The following PCNT variants were observed in gnomAD, a reference collection of about 807,000 sequenced individuals.
PCNT encodes the protein kendrin.
A neutral mutation model predicts 380.4 loss-of-function variants in PCNT; 319 were observed. The ratio of observed to expected loss-of-function variants is 0.84; its 90% CI spans 0.77 to 0.92. PCNT has a LOEUF of 0.92. PCNT is among the 40% of genes least tolerant of loss of function. The pLI is 0.00. For missense variants in PCNT, 4,400 were observed against 4,255.3 expected, an observed-to-expected ratio of 1.03 and a Z score of -0.95; for synonymous variants, 1,845 against 1,735.2, an observed-to-expected ratio of 1.06 and a Z score of -1.57.
chr21:46,381,194 CTCTGTGTGTGTGTGTGTG>C (rs2085523016), intron 15 of PCNT, among the ~76,000 whole-genome samples: 3 of 72,918 alleles, frequency 4.1e-5, no homozygotes, highest in Admixed American at 1.6e-4. Context: ...AAAAAAAAAT[CTCTGTGTGTGTGTGTGTG>C]TGTGTGTGTG....
intron 2 of PCNT, among the ~76,000 whole-genome samples, chr21:46,329,199 A>G (rs1244552469): frequency 6.6e-6 from 1 of 152,236 alleles, no homozygotes; most frequent in African/African-American, 2.4e-5. Context: ...TGGGTCGTTA[A>G]CATTAGAAGG....
At chr21:46,431,312 A>G (rs2087752754) in intron 37 of PCNT, 2 of 1,421,278 alleles carry the variant, frequency 1.4e-6, no homozygotes, top group African/African-American at 1.4e-5. Context: ...CCAGGACTCA[A>G]CACCATTTCC....
In PCNT at chr21:46,416,271, A is replaced by G. The variant is rs1602028010; in HGVS notation, c.6353A>G (p.Glu2118Gly). The G allele has an allele frequency of 1.2e-6, 2 of 1,614,170 alleles. No individual in the cohort carries two copies. Reference protein sequence around the residue: ...SSWSDDSCDGEEPDISPHIDT... With the variant: ...SSWSDDSCDGGEPDISPHIDT... ...TGGAGTGATGATTCCTGTGACGGAG[A>G]AGAGCCTGACATATCACCCCACATA... Residue 2118 changes from glutamate (E) to glycine (G), a missense_variant, in exon 30 of 47, where the codon GAA (glutamate) becomes GGA (glycine). By Grantham distance (98) the Glu-to-Gly change is moderately conservative. Coordinates refer to ENST00000359568, the MANE Select transcript of PCNT (RefSeq NM_006031.6).
At chr21:46,349,449 T>G (rs1376614857) in intron 7 of PCNT, among the ~76,000 whole-genome samples, 1 of 152,200 alleles carries the variant, frequency 6.6e-6, no homozygotes, top group East Asian at 1.9e-4. Context: ...GCTTTGTGGT[T>G]GTTCACTTTT....
In PCNT at chr21:46,427,895, G is replaced by T; in HGVS notation, c.7494+100G>T. ...GTTTTGTGTGTGAATTTCGGTTTGT[G>T]TGTTTCTCTCGACCGCTGGAATGTG... On this transcript the variant is annotated intron_variant, in intron 34 of 46. Coordinates refer to ENST00000359568, the MANE Select transcript of PCNT (RefSeq NM_006031.6). 5.9e-6 allele frequency: 8 copies of T among 1,353,002 alleles called. No individual in the cohort carries two copies. In the South Asian group the frequency reaches 9.6e-5, roughly 16 times the overall value. The allele number at this position is 1,353,002 out of a possible 1,614,324, so 83.8% of individuals were successfully genotyped here.
intron 3 of PCNT, among the ~76,000 whole-genome samples, chr21:46,336,959 T>C (rs1015178365): frequency 6.8e-6 from 1 of 147,922 alleles, no homozygotes; most frequent in Non-Finnish European, 1.5e-5. Flanking sequence ...TTATTTACTT[T>C]AAAAAAAAAA....
rs184063481 is a variant in PCNT, at chr21:46,386,317, G to A, written c.3464+334G>A. On this transcript the variant is annotated intron_variant, in intron 17 of 46. Transcript: ENST00000359568. ...CCTTTAGTGTCTGCGTCCCCGCAGC[G>A]TGTCCTCGTCCCCGGCACGGGGTGC... Among the ~76,000 whole-genome samples, 326 of 152,362 alleles carry A rather than the reference G, an allele frequency of 2.1e-3. 1 individual carries two copies. Among genetic ancestry groups the A allele is most frequent in the African/African-American group, 7.3e-3 (304 of 41,586 alleles).
chr21:46,412,176 G>C lies in PCNT; in HGVS notation c.5994+109G>C, dbSNP rs2086811296. 8 of 1,311,372 alleles carry C rather than the reference G, an allele frequency of 6.1e-6. No homozygotes were observed. In the Admixed American group the frequency reaches 1.4e-4, roughly 23 times the overall value. The allele number at this position is 1,311,372 out of a possible 1,614,324, so 81.2% of individuals were successfully genotyped here. A position where few individuals can be genotyped will look rare whatever the true frequency, so the allele number is the denominator to read the frequency against. ...GGGCACTGGGGGCTGCAGTTGTCAT[G>C]GTGGCTCATGACACAGCGGAGAAAG... On this transcript the variant is annotated intron_variant, in intron 28 of 46. Coordinates refer to ENST00000359568, the MANE Select transcript of PCNT (RefSeq NM_006031.6).
At chr21:46,386,595 T>A (rs558921389) in intron 17 of PCNT, among the ~76,000 whole-genome samples, 1 of 152,314 alleles carries the variant, frequency 6.6e-6, no homozygotes, top group Non-Finnish European at 1.5e-5. Context: ...CCTGAACGCA[T>A]GGGTCCAGGC....
At chr21:46,357,324 G>A (rs2084514552) in intron 13 of PCNT, 133 bp downstream of exon 13, 4 of 738,738 alleles carry the variant, frequency 5.4e-6, no homozygotes, top group Admixed American at 3.8e-5. Context: ...ATTTGTAAGG[G>A]CGACAGTCCC....
chr21:46,435,883 T>C (rs1027488747), intron 38 of PCNT, 21 bp from the exon 39 acceptor site: 2 of 1,613,844 alleles, frequency 1.2e-6, no homozygotes, highest in Admixed American at 1.7e-5. Flanking sequence ...GTCTTCTCTG[T>C]CTTTTTTCTG....
In PCNT at chr21:46,326,594, A is replaced by AT. The variant is rs905208190; in HGVS notation, c.267+8dup. 3.7e-6 allele frequency: 6 copies of AT among 1,612,440 alleles called. No homozygotes were observed. The highest frequency in any genetic ancestry group is 5.1e-6 in the Non-Finnish European group (6 of 1,178,636). ...GGAGGGGCCTTTGCAGCTCAGGTAG[A>AT]TTTGCTCAATGTTGTATTTGAACAT... On this transcript the variant is annotated splice_donor_region_variant and intron_variant, in intron 2 of 46. Coordinates refer to ENST00000359568, the MANE Select transcript of PCNT (RefSeq NM_006031.6).
At chr21:46,363,443 G>GCGT in intron 13 of PCNT, 37 bp from the exon 14 acceptor site, 7 of 1,538,600 alleles carry the variant, frequency 4.5e-6, no homozygotes, top group Non-Finnish European at 6.3e-6. Context: ...TCTTCCATTA[G>GCGT]CGTCTTTCCT....
At chr21:46,336,890 C>CA (rs397824924) in intron 3 of PCNT, among the ~76,000 whole-genome samples, 1 of 151,982 alleles carries the variant, frequency 6.6e-6, no homozygotes, top group Admixed American at 6.6e-5. Context: ...CCCTCCCCCC[C>CA]AGGTTTATTT....
chr21:46,412,834 A>G lies in PCNT; in HGVS notation c.5995-3A>G. The stretch of plus-strand genomic sequence containing the variant: ...TCAGCTTTCCTCTGTCTCCTCTGTC[A>G]AGGGTGATCTGCAGCCTGTCCTGGT... On this transcript the variant is annotated splice_region_variant and splice_polypyrimidine_tract_variant and intron_variant, in intron 28 of 46. Coordinates refer to ENST00000359568, the MANE Select transcript of PCNT (RefSeq NM_006031.6). 1.2e-6 allele frequency: 2 copies of G among 1,610,970 alleles called. No homozygotes were observed. The highest frequency in any genetic ancestry group is 1.7e-6 in the Non-Finnish European group (2 of 1,179,986).
chr21:46,364,650 G>A (rs2084836390), intron 14 of PCNT, among the ~76,000 whole-genome samples: 1 of 152,226 alleles, frequency 6.6e-6, no homozygotes, highest in African/African-American at 2.4e-5. Flanking sequence ...AAGAGGTTTA[G>A]AAAGTGATTG....
In PCNT at chr21:46,442,307, C is replaced by T. The variant is rs2839261; in HGVS notation, c.9624-190C>T. ...GGGAAGGTCGCCGCCGCCGGCAGCC[C>T]TGCGAGCACTTTGGATGTGTGCACC... is the stretch of plus-strand genomic sequence containing the variant. On this transcript the variant is annotated intron_variant, in intron 43 of 46. Transcript: ENST00000359568. Among the ~76,000 whole-genome samples the T allele has an allele frequency of 0.27, 41,232 of 151,816 alleles. 5,991 individuals carry two copies. Among genetic ancestry groups the T allele is most frequent in the East Asian group, 0.36 (1,826 of 5,076 alleles).
intron 38 of PCNT, among the ~76,000 whole-genome samples, chr21:46,433,841 G>T (rs942671252): frequency 1.3e-5 from 2 of 152,184 alleles, no homozygotes; most frequent in Admixed American, 1.3e-4. Context: ...GCACGATCTT[G>T]GCTCACTGCA....
chr21:46,435,979 T>G lies in PCNT; in HGVS notation c.8827T>G (p.Ser2943Ala). ...TCAGCAGACAGTGAGAGACCTGGAGTCGAAGGACGAGGTGCCTGGCAGCCG... is the reference window on the plus strand; with the variant it reads ...TCAGCAGACAGTGAGAGACCTGGAGGCGAAGGACGAGGTGCCTGGCAGCCG... ...QLQQTVRDLESKDEVPGSRLH... is the reference protein window; with the variant it reads ...QLQQTVRDLEAKDEVPGSRLH... The change falls in exon 39 of 47, where the codon TCG becomes GCG. Residue 2943 changes from serine to alanine, a missense_variant. Transcript: ENST00000359568. 4 of 1,613,716 alleles carry G rather than the reference T, an allele frequency of 2.5e-6. No individual in the cohort carries two copies. The highest frequency in any genetic ancestry group is 2.5e-6 in the Non-Finnish European group (3 of 1,179,948).
Sources: allele counts gnomAD v4.1 joint callset (sites outside exome capture counted in the v4.1 genomes callset), GRCh38; gene constraint gnomAD v4.1.1; transcripts MANE v1.5; gene names NCBI Gene and HGNC (gene_info 2026-07-23, HGNC 2026-07-21).